EPHB2: variants seen among roughly 807,000 people sequenced by gnomAD.
EPHB2 encodes ephrin type-B receptor 2.
In EPHB2, 18 loss-of-function variants were observed where a neutral mutation model predicts 96.4. That is an observed-to-expected ratio of 0.19 (90% confidence interval 0.13 to 0.28). EPHB2 has a LOEUF of 0.28. Among genes scored for constraint, EPHB2 ranks in the 10% least tolerant of loss-of-function variants. EPHB2 has a pLI of 1.00. For missense variants in EPHB2, 989 were observed against 1,355.4 expected (o/e 0.73, Z 4.25); for synonymous variants, 506 against 534.1 (o/e 0.95, Z 0.72).
At position 22,803,743 on chromosome 1, in the gene EPHB2, GTA is replaced by G. The variant is rs373288421; in HGVS notation, c.811+18684_811+18685del. 6.7e-3 allele frequency among the ~76,000 whole-genome samples: 962 copies of G among 144,112 alleles called. 10 individuals are homozygous for G. Among genetic ancestry groups the G allele is most frequent in the Middle Eastern group, 0.03 (8 of 266 alleles). 94.5% of individuals were successfully genotyped at this position (144,112 alleles called of 152,430 possible). A position where few individuals can be genotyped will look rare whatever the true frequency, so the allele number is the denominator to read the frequency against. ...TATATATGTATATGTGTGTGTGTGT[GTA>G]TATATATATATATATAAATTAGCTG... is the stretch of plus-strand genomic sequence containing the variant. On this transcript the variant is annotated intron_variant, in intron 3 of 15. Transcript: ENST00000374630.
chr1:22,820,981 G>T (rs762824001), intron 3 of EPHB2, among the ~76,000 whole-genome samples: 1 of 152,182 alleles, frequency 6.6e-6, no homozygotes, highest in Non-Finnish European at 1.5e-5. Flanking sequence ...AATAATGGTG[G>T]CTTAAACAAG....
chr1:22,812,271 G>A (rs774273677), intron 3 of EPHB2, among the ~76,000 whole-genome samples: 2 of 152,238 alleles, frequency 1.3e-5, no homozygotes, highest in Non-Finnish European at 2.9e-5. Flanking sequence ...GTGAAGCTGC[G>A]GCCCTGCCCG....
intron 1 of EPHB2, among the ~76,000 whole-genome samples, chr1:22,746,629 C>T (rs1643978562): frequency 6.6e-6 from 1 of 152,234 alleles, no homozygotes; most frequent in Non-Finnish European, 1.5e-5. Context: ...CCATGATCGA[C>T]CACCTACTGT....
At chr1:22,756,848 G>A (rs1183064970) in intron 1 of EPHB2, among the ~76,000 whole-genome samples, 4 of 152,162 alleles carry the variant, frequency 2.6e-5, no homozygotes, top group East Asian at 3.8e-4. Context: ...TTCTGTACCC[G>A]GGTCAGAAGA....
In EPHB2 at chr1:22,858,971, G is replaced by T. The variant is rs547860747; in HGVS notation, c.812-4066G>T. Among the ~76,000 whole-genome samples, 1 of 152,122 alleles carries T rather than the reference G, an allele frequency of 6.6e-6. No individual in the cohort carries two copies. Among genetic ancestry groups the T allele is most frequent in the Admixed American group, 6.5e-5 (1 of 15,272 alleles). On this transcript the variant is annotated intron_variant, in intron 3 of 15. Transcript: ENST00000374630. This position sits in a 1 kb window ranked among gnomAD's most constrained non-coding sequence, Gnocchi z 7.7. ...ATTCATAAGCAAGTAATTAAAATAG[G>T]CACTGTATACAAAAAAATTAGCCCG...
intron 9 of EPHB2, among the ~76,000 whole-genome samples, chr1:22,903,867 C>T (rs1639824685): frequency 1.3e-5 from 2 of 152,204 alleles, no homozygotes; most frequent in African/African-American, 4.8e-5. Context: ...ATTTCCTCCT[C>T]CCAGGCACTC....
At chr1:22,843,607 C>T (rs1645499720) in intron 3 of EPHB2, among the ~76,000 whole-genome samples, 1 of 152,178 alleles carries the variant, frequency 6.6e-6, no homozygotes, top group Non-Finnish European at 1.5e-5. Context: ...GTGGTGCAAT[C>T]TCAGCTCACT....
At chr1:22,756,086 C>T (rs1644145257) in intron 1 of EPHB2, among the ~76,000 whole-genome samples, 1 of 151,746 alleles carries the variant, frequency 6.6e-6, no homozygotes, top group Non-Finnish European at 1.5e-5. Context: ...GGAGAGGAGC[C>T]GATAGCTGAG....
At chr1:22,741,702 A>AAAAAAAAAAAAAAG (rs1643906987) in intron 1 of EPHB2, among the ~76,000 whole-genome samples, 1 of 151,468 alleles carries the variant, frequency 6.6e-6, no homozygotes, top group Non-Finnish European at 1.5e-5. Context: ...AAAAACAAAA[A>AAAAAAAAAAAAAAG]ACCTCAGTTT....
intron 5 of EPHB2, among the ~76,000 whole-genome samples, chr1:22,876,154 G>A (rs1638829122): frequency 1.3e-5 from 2 of 152,170 alleles, no homozygotes; most frequent in African/African-American, 4.8e-5. Flanking sequence ...GCAAGTCTGG[G>A]GCTTGGGATG....
chr1:22,763,913 G>A (rs1450602728), intron 1 of EPHB2, among the ~76,000 whole-genome samples: 1 of 152,096 alleles, frequency 6.6e-6, no homozygotes, highest in African/African-American at 2.4e-5. Flanking sequence ...CATCCCCAAA[G>A]TGTGTCATTC....
intron 5 of EPHB2, among the ~76,000 whole-genome samples, chr1:22,868,859 TCA>T (rs1312685752): frequency 6.6e-6 from 1 of 152,204 alleles, no homozygotes; most frequent in Non-Finnish European, 1.5e-5. Context: ...CTCTGAGGCC[TCA>T]GTTTCCCCAC....
chr1:22,729,511 AT>A (rs1643656486), intron 1 of EPHB2, among the ~76,000 whole-genome samples: 1 of 152,056 alleles, frequency 6.6e-6, no homozygotes, highest in Non-Finnish European at 1.5e-5. Flanking sequence ...ACTCTGCCTA[AT>A]TTCCATCACC....
At chr1:22,880,144 A>G (rs974169208) in intron 5 of EPHB2, among the ~76,000 whole-genome samples, 7 of 152,068 alleles carry the variant, frequency 4.6e-5, no homozygotes, top group African/African-American at 1.7e-4. Context: ...GGTGCCCAGG[A>G]GGAAGCCAGG....
At chr1:22,866,371 G>T (rs2148529526) in intron 5 of EPHB2, among the ~76,000 whole-genome samples, 1 of 152,212 alleles carries the variant, frequency 6.6e-6, no homozygotes, top group East Asian at 2.0e-4. Context: ...AGTTGTGGAA[G>T]TCCAGGCCCA....
intron 3 of EPHB2, among the ~76,000 whole-genome samples, chr1:22,829,939 G>A (rs1479089527): frequency 2.0e-5 from 3 of 152,184 alleles, no homozygotes; most frequent in African/African-American, 7.2e-5. Flanking sequence ...ATGGCAATGG[G>A]GCAGGAGAGG....
At chr1:22,758,390 G>A (rs1366131904) in intron 1 of EPHB2, among the ~76,000 whole-genome samples, 1 of 151,944 alleles carries the variant, frequency 6.6e-6, no homozygotes, top group African/African-American at 2.4e-5. Flanking sequence ...TCCTAGGAGA[G>A]GGCTTCCTAG....
intron 5 of EPHB2, among the ~76,000 whole-genome samples, chr1:22,877,052 C>T (rs1038855010): frequency 2.6e-5 from 4 of 152,170 alleles, no homozygotes; most frequent in South Asian, 2.1e-4. Flanking sequence ...GGGAACCAGG[C>T]GGGGTTAGCT....
chr1:22,803,549 T>C (rs2582034), intron 3 of EPHB2, among the ~76,000 whole-genome samples: 149,782 of 150,350 alleles, frequency 1, 74,608 homozygotes, highest in Middle Eastern at 1. Flanking sequence ...CAAGCTGCCG[T>C]GAGCCATGAT....
Sources: gnomAD v4.1 joint callset for allele counts (sites outside exome capture counted in the v4.1 genomes callset) on GRCh38, gnomAD v4.1.1 for gene constraint, Gnocchi (gnomAD v3.1) non-coding constraint, MANE v1.5 for transcripts, NCBI Gene and HGNC (gene_info 2026-07-23, HGNC 2026-07-21) for gene names.